Variants in DCDC2 observed in about 807,000 individuals in gnomAD.
The protein encoded by DCDC2 is doublecortin domain-containing protein 2.
In DCDC2, 40 loss-of-function variants were observed where a neutral mutation model predicts 50.2. The ratio of observed to expected loss-of-function variants is 0.80; its 90% CI spans 0.62 to 1.04. The LOEUF (loss-of-function observed/expected upper bound fraction) is 1.04. DCDC2 is among the 50% of genes least tolerant of loss of function. The pLI, the probability that DCDC2 is intolerant of heterozygous loss-of-function variation, is 0.00. For synonymous variants in DCDC2, 234 were observed against 210.6 expected, an observed-to-expected ratio of 1.11 and a Z score of -0.96; for missense variants, 570 against 581.9, an observed-to-expected ratio of 0.98 and a Z score of 0.21.
the DCDC2 span, among the ~76,000 whole-genome samples, chr6:24,380,498 G>T: frequency 6.6e-6 from 1 of 152,158 alleles, no homozygotes; most frequent in Non-Finnish European, 1.5e-5. Flanking sequence ...GAGATTTTAC[G>T]AGAGAGTTCC....
At chr6:24,289,858 AT>A (rs899190069) in intron 5 of DCDC2, among the ~76,000 whole-genome samples, 29 of 151,120 alleles carry the variant, frequency 1.9e-4, no homozygotes, top group South Asian at 1.5e-3. Context: ...ACCAAAAAAA[AT>A]TTTTTTTTGC....
At chr6:24,263,479 A>G (rs1184711385) in intron 7 of DCDC2, among the ~76,000 whole-genome samples, 1 of 152,212 alleles carries the variant, frequency 6.6e-6, no homozygotes, top group African/African-American at 2.4e-5. Flanking sequence ...AAGCCCAATG[A>G]AATTCAAGAT....
At chr6:24,378,446 C>A in the DCDC2 span, among the ~76,000 whole-genome samples, 1 of 152,060 alleles carries the variant, frequency 6.6e-6, no homozygotes, top group African/African-American at 2.4e-5. Flanking sequence ...CTGCTGGGAC[C>A]GACTATTGTG....
chr6:24,301,816 T>C lies in DCDC2; in HGVS notation c.456A>G (p.Pro152=), dbSNP rs764454438. The change falls in exon 4 of 10, where the codon CCA becomes CCG. Residue 152 remains proline (P), a synonymous_variant. Coordinates refer to ENST00000378454, the MANE Select transcript of DCDC2 (RefSeq NM_016356.5). ...FLIANGDLIN[P]ASRLLIPRKT... is the part of the protein sequence containing the mutation. ...TTCTGGGGATAAGGAGGCGAGAAGCTGGGTTTATGAGGTCTCCATTTGCAA... is the reference window on the plus strand; with the variant it reads ...TTCTGGGGATAAGGAGGCGAGAAGCCGGGTTTATGAGGTCTCCATTTGCAA... 1.2e-5 allele frequency: 19 copies of C among 1,614,076 alleles called. No individual in the cohort carries two copies. Among genetic ancestry groups the C allele is most frequent in the Non-Finnish European group, 1.4e-5 (16 of 1,180,046 alleles).
intron 7 of DCDC2, among the ~76,000 whole-genome samples, chr6:24,274,605 C>CAAAAAAAAAAAAAAAAAAAAAAAAGA (rs1763310277): frequency 1.2e-5 from 1 of 82,404 alleles, no homozygotes; most frequent in Non-Finnish European, 2.3e-5. Flanking sequence ...GAAACAGAGT[C>CAAAAAAAAAAAAAAAAAAAAAAAAGA]AAAAAAAAAA....
chr6:24,304,220 C>T (rs567215828), intron 2 of DCDC2, among the ~76,000 whole-genome samples: 15 of 152,280 alleles, frequency 9.9e-5, no homozygotes, highest in South Asian at 4.1e-4. Flanking sequence ...TGTTGGCTCA[C>T]GCCTGTAATC....
chr6:24,341,265 G>A (rs1249808223), intron 2 of DCDC2, among the ~76,000 whole-genome samples: 1 of 152,090 alleles, frequency 6.6e-6, no homozygotes, highest in Non-Finnish European at 1.5e-5. Context: ...TCTCTCCCAC[G>A]ATCCTTCACC....
chr6:24,207,248 A>G (rs1468625099), intron 7 of DCDC2, among the ~76,000 whole-genome samples: 1 of 102,080 alleles, frequency 9.8e-6, no homozygotes, highest in Non-Finnish European at 2.1e-5. Flanking sequence ...CCCTCACTCC[A>G]TCTATCTTTC....
chr6:24,290,858 G>T, intron 5 of DCDC2, 74 bp downstream of exon 5: 2 of 1,256,724 alleles, frequency 1.6e-6, no homozygotes, highest in Non-Finnish European at 2.2e-6. Context: ...AAAATATAAT[G>T]GTGGTCAGCA....
the DCDC2 span, among the ~76,000 whole-genome samples, chr6:24,371,899 A>C: frequency 6.6e-6 from 1 of 152,246 alleles, no homozygotes; most frequent in Non-Finnish European, 1.5e-5. Context: ...CCATCAGAGA[A>C]ACACAAATCA....
chr6:24,355,132 T>C (rs1312937392), intron 1 of DCDC2, among the ~76,000 whole-genome samples: 2 of 152,170 alleles, frequency 1.3e-5, no homozygotes, highest in Non-Finnish European at 2.9e-5. Context: ...ACAAATAAAA[T>C]AGTCATCTGT....
chr6:24,347,258 C>T (rs1760281871), intron 2 of DCDC2, among the ~76,000 whole-genome samples: 1 of 152,074 alleles, frequency 6.6e-6, no homozygotes, highest in Non-Finnish European at 1.5e-5. Flanking sequence ...CAACAAAGAC[C>T]AACATTGGTA....
rs1760843360 is a variant in DCDC2 at position 24,173,970 on chromosome 6, T to G, written c.*760A>C. On this transcript the variant is annotated 3_prime_UTR_variant, in exon 10 of 10. Coordinates refer to ENST00000378454, the MANE Select transcript of DCDC2 (RefSeq NM_016356.5). ...TAAAGATAGACTGGATCAGTGAAAA[T>G]CCACAGGATTTCCATTATCTGCAAA... 6.6e-6 allele frequency: 1 copy of G among 152,138 alleles called. No homozygotes were observed. The highest frequency in any genetic ancestry group is 2.4e-5 in the African/African-American group (1 of 41,426). The allele number at this position is 152,138 out of a possible 1,614,324, so 9.4% of individuals were successfully genotyped here.
intron 7 of DCDC2, among the ~76,000 whole-genome samples, chr6:24,247,382 G>A (rs1246834368): frequency 1.3e-5 from 2 of 151,814 alleles, no homozygotes; most frequent in Non-Finnish European, 2.9e-5. Flanking sequence ...CTTGGGGGAA[G>A]ACTTAATTAA....
chr6:24,220,899 CGAGCGAGA>C (rs1561895596), intron 7 of DCDC2, among the ~76,000 whole-genome samples: 39 of 115,790 alleles, frequency 3.4e-4, no homozygotes, highest in African/African-American at 1.1e-3. Context: ...AGTGAGCGAG[CGAGCGAGA>C]GAGTGAGCGA....
Position 24,178,771 on chromosome 6 carries a change from G to A in DCDC2, c.1024-139C>T, listed in dbSNP as rs1340694. Reference sequence around the variant, plus strand: ...TGCATAGTACTTTACAGTATAGAACGCACTTACGTTTACTGAGTACCTACC... The same window carrying A: ...TGCATAGTACTTTACAGTATAGAACACACTTACGTTTACTGAGTACCTACC... On this transcript the variant is annotated intron_variant, in intron 8 of 9. Transcript: ENST00000378454. The A allele has an allele frequency of 0.5, 386,732 of 779,680 alleles. 99,981 individuals are homozygous for A. Among genetic ancestry groups the A allele is most frequent in the Non-Finnish European group, 0.54 (268,649 of 498,294 alleles). 48.3% of individuals were successfully genotyped at this position (779,680 alleles called of 1,614,324 possible).
At chr6:24,262,950 C>T (rs1355552540) in intron 7 of DCDC2, among the ~76,000 whole-genome samples, 1 of 152,206 alleles carries the variant, frequency 6.6e-6, no homozygotes, top group Non-Finnish European at 1.5e-5. Flanking sequence ...AGGTCTGATC[C>T]AGTGCAGTCC....
intron 7 of DCDC2, among the ~76,000 whole-genome samples, chr6:24,230,283 C>T (rs1349757389): frequency 6.6e-6 from 1 of 152,118 alleles, no homozygotes; most frequent in South Asian, 2.1e-4. Flanking sequence ...ATGTAAGTGC[C>T]ATGAAGTGCT....
intron 7 of DCDC2, among the ~76,000 whole-genome samples, chr6:24,221,342 G>C (rs1561895849): frequency 6.6e-6 from 1 of 152,092 alleles, no homozygotes; most frequent in African/African-American, 2.4e-5. Flanking sequence ...TCACTTGCCT[G>C]TCCTCCTCTT....
Sources: allele counts gnomAD v4.1 joint callset (sites outside exome capture counted in the v4.1 genomes callset), GRCh38; gene constraint gnomAD v4.1.1; transcripts MANE v1.5; gene names NCBI Gene and HGNC (gene_info 2026-07-23, HGNC 2026-07-21).